The following RPTOR variants were observed in gnomAD, a reference collection of about 807,000 sequenced individuals.
RPTOR encodes regulatory associated protein of MTOR complex 1.
Under a neutral mutation model 169.9 loss-of-function variants are expected in RPTOR, and 21 were observed. That is an observed-to-expected ratio of 0.12 (90% CI 0.09 to 0.18). RPTOR has a LOEUF of 0.18. RPTOR is among the 10% of genes least tolerant of loss of function. The pLI is 1.00. For synonymous variants in RPTOR, 732 were observed against 753.2 expected, an observed-to-expected ratio of 0.97 and a Z score of 0.46; for missense variants, 1,133 against 1,855.9, an observed-to-expected ratio of 0.61 and a Z score of 7.16.
chr17:80,648,700 C>A (rs1212238823), intron 3 of RPTOR, among the ~76,000 whole-genome samples: 3 of 152,060 alleles, frequency 2.0e-5, no homozygotes, highest in Non-Finnish European at 4.4e-5. Flanking sequence ...CCTTGTGCCC[C>A]CCACCCCCAA....
chr17:80,724,741 G>C (rs1030116843), intron 4 of RPTOR, among the ~76,000 whole-genome samples: 4 of 152,214 alleles, frequency 2.6e-5, no homozygotes, highest in African/African-American at 7.2e-5. Context: ...CACCTGCCCA[G>C]TGTGCCCCCC....
Position 80,562,699 on chromosome 17 carries a change from G to A in RPTOR, c.162+16908G>A, listed in dbSNP as rs561767338. On this transcript the variant is annotated intron_variant, in intron 1 of 33. Coordinates refer to ENST00000306801, the MANE Select transcript of RPTOR (RefSeq NM_020761.3). This position sits in a 1 kb window ranked among gnomAD's most constrained non-coding sequence, Gnocchi z 4.4. ...CTAAGGAGGCTGAGGCAGGAGAATC[G>A]CTTGAACCTGGGAGGCAGAGGTTGC... Among the ~76,000 whole-genome samples, 7 of 152,208 alleles carry A rather than the reference G, an allele frequency of 4.6e-5. No individual in the cohort carries two copies. The highest frequency in any genetic ancestry group is 1.7e-4 in the African/African-American group (7 of 41,526).
At chr17:80,882,380 G>A (rs937596357) in intron 14 of RPTOR, among the ~76,000 whole-genome samples, 4 of 152,296 alleles carry the variant, frequency 2.6e-5, no homozygotes, top group Middle Eastern at 3.4e-3. Context: ...AGCAAATATC[G>A]AAGGCATAAA....
chr17:80,699,699 CT>C (rs2066067247), intron 3 of RPTOR, among the ~76,000 whole-genome samples: 15 of 120,842 alleles, frequency 1.2e-4, no homozygotes, highest in East Asian at 9.6e-4. Context: ...TGATGGGGAG[CT>C]AGAGGTGCTG....
chr17:80,566,180 C>G (rs1382067498), intron 1 of RPTOR, among the ~76,000 whole-genome samples: 1 of 152,204 alleles, frequency 6.6e-6, no homozygotes, highest in East Asian at 1.9e-4. Flanking sequence ...TCCTGCATAG[C>G]GCAGCTGTAG....
At chr17:80,559,847 A>AT (rs1385152530) in intron 1 of RPTOR, among the ~76,000 whole-genome samples, 1 of 152,200 alleles carries the variant, frequency 6.6e-6, no homozygotes, top group Non-Finnish European at 1.5e-5. Context: ...GGGAAAGCAA[A>AT]TGCTGCAAGA....
intron 1 of RPTOR, among the ~76,000 whole-genome samples, chr17:80,556,028 T>G (rs1214566061): frequency 3.3e-5 from 5 of 150,610 alleles, no homozygotes; most frequent in Admixed American, 1.3e-4. Context: ...AGTTTTTTGT[T>G]TTTTTTTTCT....
chr17:80,650,496 A>G (rs545068113), intron 3 of RPTOR, among the ~76,000 whole-genome samples: 4 of 152,054 alleles, frequency 2.6e-5, no homozygotes, highest in African/African-American at 9.6e-5. Context: ...CCTTTCTACC[A>G]GTGCACTGAG....
intron 1 of RPTOR, among the ~76,000 whole-genome samples, chr17:80,584,146 G>A (rs1370751192): frequency 2.0e-5 from 3 of 152,190 alleles, no homozygotes; most frequent in Non-Finnish European, 4.4e-5. Flanking sequence ...TATCTTGAGT[G>A]TTGTCATCTG....
intron 6 of RPTOR, among the ~76,000 whole-genome samples, chr17:80,768,599 C>T (rs754533296): frequency 3.9e-5 from 6 of 152,170 alleles, no homozygotes; most frequent in Middle Eastern, 3.4e-3. Flanking sequence ...CCTCACTGTC[C>T]GTGTCTCATG....
rs2084256565 is a variant in RPTOR, at chr17:80,545,047, G to A, written c.-583G>A. 4.3e-6 allele frequency: 1 copy of A among 233,334 alleles called. No homozygotes were observed. The highest frequency in any genetic ancestry group is 1.8e-4 in the South Asian group (1 of 5,536). 14.5% of individuals were successfully genotyped at this position (233,334 alleles called of 1,614,324 possible). Reference sequence around the variant, plus strand: ...ACCAGCCAGGCCGCGCGGACCTGAGGTTGAGGAACCGGGTGCAGGCGAGCA... The same window carrying A: ...ACCAGCCAGGCCGCGCGGACCTGAGATTGAGGAACCGGGTGCAGGCGAGCA... On this transcript the variant is annotated 5_prime_UTR_variant, in exon 1 of 34. Coordinates refer to ENST00000306801, the MANE Select transcript of RPTOR (RefSeq NM_020761.3).
Position 80,838,014 on chromosome 17 carries a change from G to T in RPTOR, c.1212+17G>T. The T allele has an allele frequency of 1.3e-6, 2 of 1,599,732 alleles. No homozygotes were observed. The highest frequency in any genetic ancestry group is 1.1e-5 in the South Asian group (1 of 89,198). On this transcript the variant is annotated intron_variant, in intron 10 of 33. Coordinates refer to ENST00000306801, the MANE Select transcript of RPTOR (RefSeq NM_020761.3). ...GCGTTTCGGGTGAGTCCCTCCAAGG[G>T]CACCCTGTGCATCCGCGGCGGCAGC...
intron 3 of RPTOR, among the ~76,000 whole-genome samples, chr17:80,653,895 TGCTTCA>T (rs2065659811): frequency 1.3e-5 from 2 of 152,236 alleles, no homozygotes; most frequent in Middle Eastern, 3.2e-3. Context: ...TTTCCTCTGT[TGCTTCA>T]GCTTCAGCTC....
At chr17:80,879,331 C>T (rs576975511) in intron 13 of RPTOR, among the ~76,000 whole-genome samples, 22 of 151,310 alleles carry the variant, frequency 1.5e-4, no homozygotes, top group African/African-American at 5.1e-4. Context: ...CTCTGCAGCC[C>T]CTCCTGCCCA....
intron 13 of RPTOR, among the ~76,000 whole-genome samples, chr17:80,879,829 G>A (rs2068165908): frequency 6.6e-6 from 1 of 152,244 alleles, no homozygotes. Flanking sequence ...AAGGTCGCCT[G>A]CCTGGCAGCA....
intron 3 of RPTOR, among the ~76,000 whole-genome samples, chr17:80,671,389 C>G (rs2065820949): frequency 6.6e-6 from 1 of 152,202 alleles, no homozygotes; most frequent in South Asian, 2.1e-4. Context: ...TTGGGTTCTT[C>G]TTTCCTCTTG....
intron 21 of RPTOR, among the ~76,000 whole-genome samples, chr17:80,921,225 G>C (rs2068740980): frequency 2.0e-5 from 3 of 152,254 alleles, no homozygotes; most frequent in Non-Finnish European, 4.4e-5. Flanking sequence ...CTGAAGGACA[G>C]GGTTCTGTCT....
Position 80,964,423 on chromosome 17 carries a change from C to A in RPTOR, c.*93C>A. 1 of 1,297,380 alleles carries A rather than the reference C, an allele frequency of 7.7e-7. No homozygotes were observed. The highest frequency in any genetic ancestry group is 1.1e-6 in the Non-Finnish European group (1 of 909,034). The allele number at this position is 1,297,380 out of a possible 1,614,324, so 80.4% of individuals were successfully genotyped here. A position where few individuals can be genotyped will look rare whatever the true frequency, so the allele number is the denominator to read the frequency against. The stretch of plus-strand genomic sequence containing the variant: ...CACGGGGCGTCGGCTGCTGCGGCCC[C>A]GCAGTGTGAACGTTGGCTGCTGCCT... On this transcript the variant is annotated 3_prime_UTR_variant, in exon 34 of 34. Coordinates refer to ENST00000306801, the MANE Select transcript of RPTOR (RefSeq NM_020761.3).
intron 3 of RPTOR, among the ~76,000 whole-genome samples, chr17:80,700,518 TGGTG>T (rs2066079483): frequency 8.5e-6 from 1 of 117,304 alleles, no homozygotes; most frequent in African/African-American, 3.5e-5. Context: ...GTGATGGTGA[TGGTG>T]GTGGTGGTGG....
Sources: gnomAD v4.1 joint callset for allele counts (sites outside exome capture counted in the v4.1 genomes callset) on GRCh38, gnomAD v4.1.1 for gene constraint, Gnocchi (gnomAD v3.1) non-coding constraint, MANE v1.5 for transcripts, NCBI Gene and HGNC (gene_info 2026-07-23, HGNC 2026-07-21) for gene names.